The following OCLN variants were observed in gnomAD, a reference collection of about 807,000 sequenced individuals.
OCLN encodes the protein phosphatase 1, regulatory subunit 115.
Under a neutral mutation model 47.9 loss-of-function variants are expected in OCLN, and 21 were observed. The ratio of observed to expected loss-of-function variants is 0.44; its 90% CI spans 0.31 to 0.63. The LOEUF (loss-of-function observed/expected upper bound fraction) is 0.63, where lower values mean the gene tolerates loss of function less well. Ranked by LOEUF, OCLN falls within the 30% of genes least tolerant of loss-of-function variation. OCLN has a pLI of 0.08. For missense variants in OCLN, 360 were observed against 571.0 expected (o/e 0.63, Z 3.77); for synonymous variants, 117 against 198.4 (o/e 0.59, Z 3.45).
intron 4 of OCLN, among the ~76,000 whole-genome samples, chr5:69,520,932 C>G (rs916814049): frequency 1.3e-5 from 2 of 152,118 alleles, no homozygotes; most frequent in African/African-American, 2.4e-5. Flanking sequence ...ACTACAATCT[C>G]CACTTCCTGG....
chr5:69,548,883 C>G (rs1298637294), intron 7 of OCLN, among the ~76,000 whole-genome samples: 1 of 150,952 alleles, frequency 6.6e-6, no homozygotes, highest in African/African-American at 2.4e-5. Flanking sequence ...TTGCTTGAAC[C>G]TGGGATGGGG....
intron 2 of OCLN, among the ~76,000 whole-genome samples, chr5:69,505,201 G>T (rs1768565598): frequency 6.6e-6 from 1 of 152,168 alleles, no homozygotes; most frequent in Admixed American, 6.5e-5. Context: ...GGTGAGCTGA[G>T]ATGGCGCCAT....
chr5:69,503,254 A>C (rs527613123), intron 1 of OCLN, among the ~76,000 whole-genome samples: 1 of 152,000 alleles, frequency 6.6e-6, no homozygotes, highest in African/African-American at 2.4e-5. Flanking sequence ...TTGTCTTTCA[A>C]ATCTGGTTCA....
rs551368644 is a variant in OCLN at position 69,513,454 on chromosome 5, A to G, written c.730-494A>G. Reference sequence around the variant, plus strand: ...TAGAGATCTATGGACAGAAATTTACATTCAGTGTAAAAAGGCTTGCCAAGC... The same window carrying G: ...TAGAGATCTATGGACAGAAATTTACGTTCAGTGTAAAAAGGCTTGCCAAGC... On this transcript the variant is annotated intron_variant, in intron 3 of 8. Coordinates refer to ENST00000396442, the MANE Select transcript of OCLN (RefSeq NM_001205254.2). Among the ~76,000 whole-genome samples the G allele has an allele frequency of 1.4e-4, 22 of 152,330 alleles. No individual in the cohort carries two copies. In the South Asian group the frequency reaches 4.6e-3, roughly 32 times the overall value.
At chr5:69,518,290 A>T (rs1327560559) in intron 4 of OCLN, among the ~76,000 whole-genome samples, 2 of 152,144 alleles carry the variant, frequency 1.3e-5, no homozygotes, top group South Asian at 4.1e-4. Context: ...AAGTATTTTC[A>T]TTGTATGTAA....
At chr5:69,525,254 G>A (rs192264144) in intron 4 of OCLN, among the ~76,000 whole-genome samples, 4 of 151,802 alleles carry the variant, frequency 2.6e-5, no homozygotes, top group South Asian at 2.1e-4. Flanking sequence ...ACAGGTGCCC[G>A]CCACCACACC....
At chr5:69,528,419 T>TA (rs1171635937) in intron 4 of OCLN, among the ~76,000 whole-genome samples, 1 of 91,672 alleles carries the variant, frequency 1.1e-5, no homozygotes, top group Non-Finnish European at 2.4e-5. Flanking sequence ...GCATGAAACA[T>TA]ACTCATAATA....
chr5:69,533,106 C>CAG, intron 4 of OCLN, among the ~76,000 whole-genome samples: 1 of 139,614 alleles, frequency 7.2e-6, no homozygotes, highest in South Asian at 2.2e-4. Context: ...CACACACACA[C>CAG]ACATATATAT....
At chr5:69,508,364 G>A (rs532667035) in intron 2 of OCLN, among the ~76,000 whole-genome samples, 3 of 151,176 alleles carry the variant, frequency 2.0e-5, no homozygotes, top group African/African-American at 2.4e-5. Context: ...TTTTTGAGAC[G>A]GAGTCTTGCT....
intron 4 of OCLN, among the ~76,000 whole-genome samples, chr5:69,516,900 T>TA (rs970391094): frequency 8.7e-5 from 13 of 148,586 alleles, no homozygotes; most frequent in South Asian, 2.1e-4. Context: ...CTACAAAAAA[T>TA]AAAAAAAAAA....
At chr5:69,527,017 C>G (rs1014184630) in intron 4 of OCLN, among the ~76,000 whole-genome samples, 8 of 152,174 alleles carry the variant, frequency 5.3e-5, no homozygotes, top group African/African-American at 1.9e-4. Context: ...GTGGCTCACA[C>G]CTGTAATCCT....
chr5:69,510,987 CT>C (rs1224739153), intron 3 of OCLN, among the ~76,000 whole-genome samples: 5 of 152,156 alleles, frequency 3.3e-5, no homozygotes, highest in Non-Finnish European at 2.9e-5. Flanking sequence ...TTCGTATTTT[CT>C]TTATAGCTAA....
At chr5:69,495,830 C>G (rs1421356112) in intron 1 of OCLN, among the ~76,000 whole-genome samples, 4 of 152,116 alleles carry the variant, frequency 2.6e-5, no homozygotes, top group African/African-American at 9.7e-5. Flanking sequence ...GACGTCTGAG[C>G]TGAGACCTGA....
At chr5:69,525,432 T>C (rs1048540195) in intron 4 of OCLN, among the ~76,000 whole-genome samples, 1 of 152,128 alleles carries the variant, frequency 6.6e-6, no homozygotes, top group African/African-American at 2.4e-5. Context: ...TAAGACAATG[T>C]CAAATTATTT....
At chr5:69,514,151 CA>C (rs1768862691) in intron 4 of OCLN, 42 bp downstream of exon 4, 3 of 1,547,822 alleles carry the variant, frequency 1.9e-6, no homozygotes, top group Middle Eastern at 3.4e-4. Context: ...ATTAAAGCCC[CA>C]AATTTGTGTC....
intron 4 of OCLN, among the ~76,000 whole-genome samples, chr5:69,517,714 A>G (rs1469381271): frequency 6.6e-6 from 1 of 152,148 alleles, no homozygotes; most frequent in Non-Finnish European, 1.5e-5. Flanking sequence ...AGTCTTAGGA[A>G]AGCCAGGAAG....
chr5:69,497,385 ATT>A (rs373562576), intron 1 of OCLN, among the ~76,000 whole-genome samples: 10 of 116,292 alleles, frequency 8.6e-5, no homozygotes, highest in Middle Eastern at 5.0e-3. Context: ...GTTTTTCTAG[ATT>A]TTTTTTTTTT....
intron 4 of OCLN, among the ~76,000 whole-genome samples, chr5:69,523,980 C>G (rs971668795): frequency 6.6e-6 from 1 of 152,114 alleles, no homozygotes; most frequent in African/African-American, 2.4e-5. Flanking sequence ...GAAACCCTGT[C>G]TCTACTGAAA....
chr5:69,501,289 T>G (rs1768451872), intron 1 of OCLN, among the ~76,000 whole-genome samples: 1 of 152,198 alleles, frequency 6.6e-6, no homozygotes, highest in South Asian at 2.1e-4. Context: ...ACCATAACAT[T>G]TTCGCCTAAA....
Sources: allele counts gnomAD v4.1 joint callset (sites outside exome capture counted in the v4.1 genomes callset), GRCh38; gene constraint gnomAD v4.1.1; transcripts MANE v1.5; gene names NCBI Gene and HGNC (gene_info 2026-07-23, HGNC 2026-07-21).